CMTM4: variants seen among roughly 807,000 people sequenced by gnomAD.
CMTM4 encodes the protein CKLF-like MARVEL transmembrane domain-containing protein 4.
Under a neutral mutation model 19.0 loss-of-function variants are expected in CMTM4, and 8 were observed. The ratio of observed to expected loss-of-function variants is 0.42; its 90% CI spans 0.25 to 0.76. CMTM4 has a LOEUF of 0.76. Ranked by LOEUF, CMTM4 falls within the 30% of genes least tolerant of loss-of-function variation. The pLI, the probability that CMTM4 is intolerant of heterozygous loss-of-function variation, is 0.27. For missense variants in CMTM4, 228 were observed against 290.2 expected, an observed-to-expected ratio of 0.79 and a Z score of 1.56; for synonymous variants, 106 against 121.1, an observed-to-expected ratio of 0.88 and a Z score of 0.82.
chr16:66,691,226 A>T lies in CMTM4; in HGVS notation c.186+5114T>A, dbSNP rs565046097. On this transcript the variant is annotated intron_variant, in intron 1 of 3. Coordinates refer to ENST00000394106, the MANE Select transcript of CMTM4 (RefSeq NM_181521.3). The stretch of plus-strand genomic sequence containing the variant: ...AGGGCTCAAGAAAGGGATGTGGATC[A>T]GGTGCGGTGGCTCACGCCTGTAATC... Among the ~76,000 whole-genome samples, 8 of 152,318 alleles carry T rather than the reference A, an allele frequency of 5.3e-5. No homozygotes were observed. The East Asian group carries it at 1.5e-3, about 29-fold the overall frequency.
intron 1 of CMTM4, among the ~76,000 whole-genome samples, chr16:66,679,913 C>G (rs993149723): frequency 1.3e-5 from 2 of 151,884 alleles, no homozygotes; most frequent in East Asian, 3.9e-4. Context: ...CAAACTCACA[C>G]GGGGGCTCTG....
At chr16:66,628,784 G>A (rs1003974690) in intron 2 of CMTM4, among the ~76,000 whole-genome samples, 3 of 152,070 alleles carry the variant, frequency 2.0e-5, no homozygotes, top group African/African-American at 7.2e-5. Context: ...GTTGTAGCAT[G>A]TATCAGTACT....
chr16:66,599,775 CTAAG>C, the CMTM4 span, among the ~76,000 whole-genome samples: 1 of 152,074 alleles, frequency 6.6e-6, no homozygotes, highest in African/African-American at 2.4e-5. Context: ...CTGGAGAAAA[CTAAG>C]TGTCTTTTAC....
intron 1 of CMTM4, among the ~76,000 whole-genome samples, chr16:66,652,323 G>A (rs567435208): frequency 6.6e-6 from 1 of 152,212 alleles, no homozygotes; most frequent in Non-Finnish European, 1.5e-5. Context: ...CACTCTAAGT[G>A]GTGCTTACCG....
At position 66,696,567 on chromosome 16, in the gene CMTM4, G is replaced by A. The variant is rs2017241515; in HGVS notation, c.-42C>T. 9 of 1,133,572 alleles carry A rather than the reference G, an allele frequency of 7.9e-6. No homozygotes were observed. The highest frequency in any genetic ancestry group is 9.7e-6 in the Non-Finnish European group (9 of 923,416). The allele number at this position is 1,133,572 out of a possible 1,614,324, so 70.2% of individuals were successfully genotyped here. A position where few individuals can be genotyped will look rare whatever the true frequency, so the allele number is the denominator to read the frequency against. On this transcript the variant is annotated 5_prime_UTR_variant, in exon 1 of 4. Coordinates refer to ENST00000394106, the MANE Select transcript of CMTM4 (RefSeq NM_181521.3). The surrounding 1 kb of genome is among the most constrained non-coding windows in gnomAD (Gnocchi z 4.3). ...GGCCGCCTCGCGCGGCTGGCTCCCGGCGCCAGGAGCGGGCGGACTCAGCGG... is the reference window on the plus strand; with the variant it reads ...GGCCGCCTCGCGCGGCTGGCTCCCGACGCCAGGAGCGGGCGGACTCAGCGG...
In CMTM4 at chr16:66,617,728, T is replaced by C; in HGVS notation, c.*4330A>G. ...CAGGGAAGTTTACAAAGCTAAAAGCTGAGGGTGTCAGGCCTGCGTCCTGTC... is the reference window on the plus strand; with the variant it reads ...CAGGGAAGTTTACAAAGCTAAAAGCCGAGGGTGTCAGGCCTGCGTCCTGTC... On this transcript the variant is annotated 3_prime_UTR_variant, in exon 4 of 4. Coordinates refer to ENST00000394106, the MANE Select transcript of CMTM4 (RefSeq NM_181521.3). The C allele has an allele frequency of 9.6e-7, 1 of 1,037,838 alleles. No individual in the cohort carries two copies. Among genetic ancestry groups the C allele is most frequent in the Non-Finnish European group, 1.2e-6 (1 of 862,734 alleles). 64.3% of individuals were successfully genotyped at this position (1,037,838 alleles called of 1,614,324 possible).
the CMTM4 span, chr16:66,604,017 G>C: frequency 1.3e-5 from 2 of 152,674 alleles, no homozygotes; most frequent in Middle Eastern, 6.8e-3. Context: ...AGATGTGCAC[G>C]CATGTGCGTG....
chr16:66,651,916 T>G (rs2016318079), intron 1 of CMTM4, among the ~76,000 whole-genome samples: 1 of 152,190 alleles, frequency 6.6e-6, no homozygotes. Flanking sequence ...TAATTGCAAG[T>G]GTAAATTATT....
chr16:66,604,689 G>A, the CMTM4 span: 7 of 787,480 alleles, frequency 8.9e-6, no homozygotes, highest in Non-Finnish European at 1.2e-5. Context: ...CGGGGGATGC[G>A]CCCCTGCGCG....
chr16:66,638,239 C>A (rs1054385832), intron 1 of CMTM4, among the ~76,000 whole-genome samples: 4 of 152,164 alleles, frequency 2.6e-5, no homozygotes, highest in African/African-American at 4.8e-5. Flanking sequence ...CCATCTACCC[C>A]CAAGGCACCA....
rs528951629 is a variant in CMTM4 at position 66,656,627 on chromosome 16, C to CA, written c.187-20047dup. ...TTGTCTGAAAGTATCTTCCCACACA[C>CA]AAAAAAATACTTATTAACTACATAG... is the stretch of plus-strand genomic sequence containing the variant. On this transcript the variant is annotated intron_variant, in intron 1 of 3. Transcript: ENST00000394106. 1.1e-4 allele frequency among the ~76,000 whole-genome samples: 17 copies of CA among 148,802 alleles called. No individual in the cohort carries two copies. In the East Asian group the frequency reaches 3.3e-3, roughly 29 times the overall value.
At chr16:66,652,921 T>C (rs939408960) in intron 1 of CMTM4, among the ~76,000 whole-genome samples, 15 of 152,112 alleles carry the variant, frequency 9.9e-5, no homozygotes, top group African/African-American at 3.6e-4. Flanking sequence ...TTTCAGACCG[T>C]TTAAATTAGT....
At chr16:66,613,219 G>A (rs2015450384), downstream of CMTM4, 1 of 686,586 alleles carries the variant, frequency 1.5e-6, no homozygotes, top group Non-Finnish European at 2.7e-6. Context: ...AGGAAGTGGG[G>A]CTCGGCACCC....
intron 1 of CMTM4, among the ~76,000 whole-genome samples, chr16:66,647,889 ATT>A: frequency 6.6e-6 from 1 of 152,288 alleles, no homozygotes; most frequent in South Asian, 2.1e-4. Flanking sequence ...TTGTGAAATC[ATT>A]TGATAAAAGT....
intron 1 of CMTM4, among the ~76,000 whole-genome samples, chr16:66,691,708 AAAG>A (rs2017139262): frequency 6.6e-6 from 1 of 152,202 alleles, no homozygotes; most frequent in Non-Finnish European, 1.5e-5. Flanking sequence ...TCAAAAAGAA[AAAG>A]AAAAGATAAA....
chr16:66,689,791 C>G (rs2017103158), intron 1 of CMTM4, among the ~76,000 whole-genome samples: 1 of 152,082 alleles, frequency 6.6e-6, no homozygotes, highest in Non-Finnish European at 1.5e-5. Context: ...TGGGATAAAT[C>G]AAATTGGTTT....
At chr16:66,634,860 C>A (rs566293414) in intron 2 of CMTM4, among the ~76,000 whole-genome samples, 23 of 152,326 alleles carry the variant, frequency 1.5e-4, no homozygotes, top group Non-Finnish European at 3.4e-4. Context: ...CATGCACAGC[C>A]TGTTTCAGCA....
chr16:66,604,610 C>CCCGCAG, the CMTM4 span: 7 of 387,758 alleles, frequency 1.8e-5, no homozygotes, highest in African/African-American at 1.1e-4. Flanking sequence ...CCCAGCATCC[C>CCCGCAG]CCGCAGCCGG....
chr16:66,651,941 G>C (rs760637874), intron 1 of CMTM4, among the ~76,000 whole-genome samples: 7 of 152,218 alleles, frequency 4.6e-5, no homozygotes, highest in East Asian at 1.9e-4. Flanking sequence ...CTGCAACCAA[G>C]GTGTTTGCAT....
Sources: gnomAD v4.1 joint callset for allele counts (sites outside exome capture counted in the v4.1 genomes callset) on GRCh38, gnomAD v4.1.1 for gene constraint, Gnocchi (gnomAD v3.1) non-coding constraint, MANE v1.5 for transcripts, NCBI Gene and HGNC (gene_info 2026-07-23, HGNC 2026-07-21) for gene names.